STAP1: variants seen among roughly 807,000 people sequenced by gnomAD.
STAP1 encodes signal-transducing adaptor protein 1.
Under a neutral mutation model 37.8 loss-of-function variants are expected in STAP1, and 30 were observed. The ratio of observed to expected loss-of-function variants is 0.79; its 90% CI spans 0.59 to 1.08. The LOEUF (loss-of-function observed/expected upper bound fraction) is 1.08. Among genes scored for constraint, STAP1 ranks in the 50% least tolerant of loss-of-function variants. The pLI, the probability that STAP1 is intolerant of heterozygous loss-of-function variation, is 0.00. For missense variants in STAP1, 357 were observed against 349.4 expected (o/e 1.02, Z -0.17); for synonymous variants, 130 against 116.0 (o/e 1.12, Z -0.78).
chr4:67,601,555 TC>T (rs1057159504), intron 8 of STAP1, among the ~76,000 whole-genome samples: 2 of 152,140 alleles, frequency 1.3e-5, no homozygotes, highest in Admixed American at 1.3e-4. Flanking sequence ...ATTGATGAAA[TC>T]CCCCAGCTTT....
intron 1 of STAP1, among the ~76,000 whole-genome samples, chr4:67,562,677 CAGG>C (rs1401946955): frequency 2.2e-4 from 34 of 151,250 alleles, no homozygotes; most frequent in African/African-American, 7.8e-4. Flanking sequence ...GAGGCTGAAG[CAGG>C]AGAATGGCGT....
At chr4:67,603,853 G>A (rs147616895) in intron 8 of STAP1, among the ~76,000 whole-genome samples, 186 of 152,152 alleles carry the variant, frequency 1.2e-3, no homozygotes, top group African/African-American at 4.1e-3. Context: ...GGTGCCACAA[G>A]CACTCCCCTG....
At chr4:67,575,658 A>C (rs1727703945) in intron 3 of STAP1, among the ~76,000 whole-genome samples, 160 bp downstream of exon 3, 1 of 152,172 alleles carries the variant, frequency 6.6e-6, no homozygotes, top group Non-Finnish European at 1.5e-5. Context: ...TCTGAATTGG[A>C]ATTTAAAAAG....
intron 4 of STAP1, among the ~76,000 whole-genome samples, chr4:67,580,818 C>T (rs760821678): frequency 3.9e-5 from 6 of 152,318 alleles, no homozygotes; most frequent in Admixed American, 1.3e-4. Flanking sequence ...ACACCACAGA[C>T]GCAAAATTTC....
chr4:67,587,877 C>G (rs574119314), intron 6 of STAP1, among the ~76,000 whole-genome samples: 2 of 151,572 alleles, frequency 1.3e-5, no homozygotes, highest in Admixed American at 1.3e-4. Context: ...TGTGCCACCA[C>G]GCCTGGCTAA....
At chr4:67,573,640 ATTGT>A in intron 2 of STAP1, among the ~76,000 whole-genome samples, 1 of 152,160 alleles carries the variant, frequency 6.6e-6, no homozygotes, top group Non-Finnish European at 1.5e-5. Flanking sequence ...GACATATAAA[ATTGT>A]TTATCATGAT....
intron 6 of STAP1, 131 bp from the exon 7 acceptor site, chr4:67,590,745 ATTTTTTTT>A: frequency 1.4e-5 from 3 of 208,246 alleles, no homozygotes; most frequent in Non-Finnish European, 2.6e-5. Flanking sequence ...ACCACGAAGG[ATTTTTTTT>A]TTTTTTTTTT....
rs1294209282 is a variant in STAP1 at position 67,606,526 on chromosome 4, C to T, written c.*169C>T. The T allele has an allele frequency of 3.4e-6, 2 of 593,068 alleles. No homozygotes were observed. Among genetic ancestry groups the T allele is most frequent in the African/African-American group, 1.9e-5 (1 of 51,666 alleles). 36.7% of individuals were successfully genotyped at this position (593,068 alleles called of 1,614,324 possible). On this transcript the variant is annotated 3_prime_UTR_variant, in exon 9 of 9. Transcript: ENST00000265404. ...GTACCATACAATTTCATTATCTTAT[C>T]AGAATGAAACCAATTCACAGGGAAA...
intron 6 of STAP1, among the ~76,000 whole-genome samples, chr4:67,588,561 C>G (rs536300550): frequency 6.6e-6 from 1 of 152,168 alleles, no homozygotes; most frequent in Admixed American, 6.5e-5. Context: ...AGGTGCCCAC[C>G]ACCACGCCCG....
intron 1 of STAP1, among the ~76,000 whole-genome samples, chr4:67,566,010 G>A (rs770100546): frequency 8.2e-5 from 11 of 133,358 alleles, no homozygotes; most frequent in Middle Eastern, 4.5e-3. Context: ...GTGCAGTGGC[G>A]CGATCTCTGC....
intron 6 of STAP1, among the ~76,000 whole-genome samples, chr4:67,587,515 C>G (rs1415446366): frequency 6.6e-6 from 1 of 152,126 alleles, no homozygotes; most frequent in African/African-American, 2.4e-5. Flanking sequence ...GCTGTTCTTA[C>G]AACAGAACTT....
At chr4:67,575,528 G>C in intron 3 of STAP1, 30 bp downstream of exon 3, 1 of 1,490,932 alleles carries the variant, frequency 6.7e-7, no homozygotes, top group South Asian at 1.2e-5. Flanking sequence ...AGTCTGTAAA[G>C]GGTTGTGGTT....
chr4:67,595,967 T>A (rs1728215154), intron 8 of STAP1, among the ~76,000 whole-genome samples: 1 of 146,974 alleles, frequency 6.8e-6, no homozygotes, highest in Non-Finnish European at 1.5e-5. Context: ...CATACAGCAT[T>A]GGCACACATT....
chr4:67,565,830 TTA>T (rs1727454004), intron 1 of STAP1, among the ~76,000 whole-genome samples: 2 of 151,472 alleles, frequency 1.3e-5, no homozygotes, highest in South Asian at 4.2e-4. Context: ...ATTCACAAAC[TTA>T]TACAACCATC....
At position 67,568,579 on chromosome 4, in the gene STAP1, T is replaced by C. The variant is rs150563286; in HGVS notation, c.121-2505T>C. Among the ~76,000 whole-genome samples, 8 of 152,318 alleles carry C rather than the reference T, an allele frequency of 5.3e-5. No individual in the cohort carries two copies. In the East Asian group the frequency reaches 1.5e-3, roughly 29 times the overall value. ...GTTTAACTAGGTTATTTAAATATTT[T>C]AAACTTCAAAAGTCATATTTCTGTA... is the stretch of plus-strand genomic sequence containing the variant. On this transcript the variant is annotated intron_variant, in intron 1 of 8. Coordinates refer to ENST00000265404, the MANE Select transcript of STAP1 (RefSeq NM_012108.4).
At chr4:67,576,751 C>T (rs1231988478) in intron 3 of STAP1, among the ~76,000 whole-genome samples, 3 of 152,054 alleles carry the variant, frequency 2.0e-5, no homozygotes, top group Admixed American at 6.6e-5. Flanking sequence ...ACCTCAGCCT[C>T]CCAAAGTGCT....
intron 1 of STAP1, among the ~76,000 whole-genome samples, chr4:67,570,581 G>C (rs1458015145): frequency 6.6e-6 from 1 of 152,084 alleles, no homozygotes; most frequent in Non-Finnish European, 1.5e-5. Context: ...AGGATTGCTT[G>C]AGCCCAGGAG....
chr4:67,560,717 A>G (rs1256734565), intron 1 of STAP1, among the ~76,000 whole-genome samples: 6 of 151,240 alleles, frequency 4.0e-5, no homozygotes, highest in Admixed American at 4.0e-4. Flanking sequence ...CAATGGTGCA[A>G]TCACTAGTCA....
chr4:67,564,733 T>C (rs145920947), intron 1 of STAP1, among the ~76,000 whole-genome samples: 5,237 of 152,118 alleles, frequency 0.034, 140 homozygotes, highest in Non-Finnish European at 0.044. Flanking sequence ...GCCAACATGG[T>C]GAAACCCTGC....
Sources: allele counts gnomAD v4.1 joint callset (sites outside exome capture counted in the v4.1 genomes callset), GRCh38; gene constraint gnomAD v4.1.1; transcripts MANE v1.5; gene names NCBI Gene and HGNC (gene_info 2026-07-23, HGNC 2026-07-21).